FCRL3: variants seen among roughly 807,000 people sequenced by gnomAD.
FCRL3 encodes the protein Fc receptor-like protein 3.
In FCRL3, 89 loss-of-function variants were observed where a neutral mutation model predicts 75.0. That is an observed-to-expected ratio of 1.19 (90% CI 1.00 to 1.42). The LOEUF (loss-of-function observed/expected upper bound fraction) is 1.42, where lower values mean the gene tolerates loss of function less well. Among genes scored for constraint, FCRL3 ranks in the 40% most tolerant of loss-of-function variants. The pLI is 0.00. For missense variants in FCRL3, 946 were observed against 880.0 expected, an observed-to-expected ratio of 1.07 and a Z score of -0.95; for synonymous variants, 376 against 348.5, an observed-to-expected ratio of 1.08 and a Z score of -0.88.
In FCRL3 at chr1:157,698,526, G is replaced by A. The variant is rs1389462810; in HGVS notation, c.156C>T (p.Ala52=). The part of the protein sequence containing the change: ...LICSSISHSL[A]QGDTYWYHDE... ...CGTGATACCAATATGTGTCTCCCTGGGCTAGGGAATGTGATATGCTGCTGC... is the reference window on the plus strand; with the variant it reads ...CGTGATACCAATATGTGTCTCCCTGAGCTAGGGAATGTGATATGCTGCTGC... Residue 52 remains alanine, a synonymous_variant, in exon 4 of 15, where the codon GCC becomes GCT. Coordinates refer to ENST00000368184, the MANE Select transcript of FCRL3 (RefSeq NM_052939.4). 1.2e-6 allele frequency: 2 copies of A among 1,614,184 alleles called. No individual in the cohort carries two copies. Among genetic ancestry groups the A allele is most frequent in the Admixed American group, 1.7e-5 (1 of 60,024 alleles).
In FCRL3 at chr1:157,695,342, A is replaced by C. The variant is rs761859921; in HGVS notation, c.1398T>G (p.Ser466Arg). 12 of 1,613,290 alleles carry C rather than the reference A, an allele frequency of 7.4e-6. No homozygotes were observed. The East Asian group carries it at 2.5e-4, about 33-fold the overall frequency. ...GLGAQHSHGV[S>R]LRVTVPVSRP... Reference sequence around the variant, plus strand: ...TATCTTGCTTACCTGTGACCCTGAGACTCACTCCATGACTGTGCTGGGCCC... The same window carrying C: ...TATCTTGCTTACCTGTGACCCTGAGCCTCACTCCATGACTGTGCTGGGCCC... Residue 466 changes from serine (S) to arginine (R), a missense_variant, in exon 8 of 15, where the codon AGT (serine) becomes AGG (arginine). Physicochemically the swap from Ser to Arg is moderately radical, Grantham distance 110. Transcript: ENST00000368184.
intron 8 of FCRL3, 99 bp from the exon 9 acceptor site, chr1:157,690,632 G>A (rs1655467406): frequency 5.6e-6 from 8 of 1,439,500 alleles, no homozygotes; most frequent in Non-Finnish European, 7.5e-6. Context: ...GCGGGAACAT[G>A]CACCTGGATT....
chr1:157,677,084 C>T lies in FCRL3; in HGVS notation c.*1626G>A. 3 of 1,123,724 alleles carry T rather than the reference C, an allele frequency of 2.7e-6. No individual in the cohort carries two copies. Among genetic ancestry groups the T allele is most frequent in the Non-Finnish European group, 3.3e-6 (3 of 908,522 alleles). 69.6% of individuals were successfully genotyped at this position (1,123,724 alleles called of 1,614,324 possible). A position where few individuals can be genotyped will look rare whatever the true frequency, so the allele number is the denominator to read the frequency against. On this transcript the variant is annotated 3_prime_UTR_variant, in exon 15 of 15. Coordinates refer to ENST00000368184, the MANE Select transcript of FCRL3 (RefSeq NM_052939.4). ...ATCTCAGTACGGGCAGGACATCATG[C>T]CCTGCACTCAAAGGCCAGGATAAGG...
At chr1:157,692,813 C>T (rs1256420101) in intron 8 of FCRL3, among the ~76,000 whole-genome samples, 1 of 152,064 alleles carries the variant, frequency 6.6e-6, no homozygotes, top group Non-Finnish European at 1.5e-5. Flanking sequence ...TAAACTTATG[C>T]TATGGAGATA....
intron 11 of FCRL3, among the ~76,000 whole-genome samples, chr1:157,681,399 C>A (rs1434718155): frequency 9.3e-6 from 1 of 107,116 alleles, no homozygotes. Flanking sequence ...CCCCTCCCCC[C>A]ACCCCAAAAC....
In FCRL3 at chr1:157,683,235, GA is replaced by G; in HGVS notation, c.1819del (p.Ser607LeufsTer24). 1 of 1,613,656 alleles carries G rather than the reference GA, an allele frequency of 6.2e-7. No homozygotes were observed. Among genetic ancestry groups the G allele is most frequent in the Non-Finnish European group, 8.5e-7 (1 of 1,179,768 alleles). On this transcript the variant is annotated frameshift_variant, in exon 11 of 15. Coordinates refer to ENST00000368184, the MANE Select transcript of FCRL3 (RefSeq NM_052939.4). LOFTEE classifies it high-confidence loss of function. ...ACCTCACCTAGATGTTCCAGTGGCA[GA>G]AAGTCCTCCTGCAAAACAAACAAAG... The part of the protein sequence containing the change: ...ARARRKPGGL[S>X]ATGTSSHSPS...
chr1:157,691,763 A>C (rs1456561509), intron 8 of FCRL3: 2 of 152,072 alleles, frequency 1.3e-5, no homozygotes, highest in Non-Finnish European at 2.9e-5. Context: ...CTGGAAAGAG[A>C]GATTTCCAAC....
chr1:157,696,306 T>A lies in FCRL3; in HGVS notation c.866A>T (p.Asn289Ile), dbSNP rs1359362756. Residue 289 changes from asparagine to isoleucine, a missense_variant, in exon 7 of 15, where the codon AAT becomes ATT. Transcript: ENST00000368184. Reference protein sequence around the residue: ...RVQRVPVSNVNLEIRPTGGQL... With the variant: ...RVQRVPVSNVILEIRPTGGQL... ...CCCTCCGGTGGGCCGGATCTCTAGA[T>A]TCACATTAGACACAGGGACTCCTGG... 1.2e-6 allele frequency: 2 copies of A among 1,613,992 alleles called. No homozygotes were observed. Among genetic ancestry groups the A allele is most frequent in the Non-Finnish European group, 1.7e-6 (2 of 1,179,982 alleles).
intron 6 of FCRL3, 145 bp from the exon 7 acceptor site, chr1:157,696,472 A>G: frequency 1.3e-6 from 1 of 751,356 alleles, no homozygotes; most frequent in Middle Eastern, 3.8e-4. Flanking sequence ...TTAATTGTGT[A>G]TACGATTATA....
chr1:157,679,123 A>G, intron 13 of FCRL3, 150 bp from the exon 14 acceptor site: 1 of 828,316 alleles, frequency 1.2e-6, no homozygotes, highest in African/African-American at 1.7e-5. Context: ...CCCACATAGA[A>G]AAAGTACTCC....
At chr1:157,683,282 C>T in intron 10 of FCRL3, 38 bp from the exon 11 acceptor site, 1 of 1,608,610 alleles carries the variant, frequency 6.2e-7, no homozygotes. Context: ...GGTAAGTGAG[C>T]TGTGTAAATA....
intron 10 of FCRL3, among the ~76,000 whole-genome samples, chr1:157,685,631 C>T (rs557157899): frequency 3.3e-5 from 5 of 152,206 alleles, no homozygotes; most frequent in South Asian, 4.2e-4. Flanking sequence ...ATATTCTATC[C>T]GGCAACTATG....
chr1:157,688,613 T>TA (rs58535951), intron 10 of FCRL3, among the ~76,000 whole-genome samples: 1,992 of 137,956 alleles, frequency 0.014, 42 homozygotes, highest in African/African-American at 0.043. Flanking sequence ...TAAGAAATGT[T>TA]AAAAAAAAAA....
In FCRL3 at chr1:157,696,308, C is replaced by T; in HGVS notation, c.864G>A (p.Val288=). 6.2e-7 allele frequency: 1 copy of T among 1,614,036 alleles called. No homozygotes were observed. The highest frequency in any genetic ancestry group is 8.5e-7 in the Non-Finnish European group (1 of 1,180,004). ...IRVQRVPVSN[V]NLEIRPTGGQ... ...CTCCGGTGGGCCGGATCTCTAGATT[C>T]ACATTAGACACAGGGACTCCTGGGG... is the stretch of plus-strand genomic sequence containing the variant. The change falls in exon 7 of 15, where the codon GTG becomes GTA. Residue 288 remains valine (V), a synonymous_variant. Transcript: ENST00000368184.
chr1:157,690,256 T>G lies in FCRL3; in HGVS notation c.1689A>C (p.Thr563=). Residue 563 remains threonine (T), a splice_region_variant and synonymous_variant, in exon 9 of 15, where the codon ACA becomes ACC. Transcript: ENST00000368184. The part of the protein sequence containing the change: ...QHSKVVTLNV[T]GTSRNRTGLT... Reference sequence around the variant, plus strand: ...CTAGCCCAGGTACTATTAACACACCTGTAACATTGAGTGTCACCACTTTAC... The same window carrying G: ...CTAGCCCAGGTACTATTAACACACCGGTAACATTGAGTGTCACCACTTTAC... 2 of 1,614,144 alleles carry G rather than the reference T, an allele frequency of 1.2e-6. No homozygotes were observed. The highest frequency in any genetic ancestry group is 1.7e-6 in the Non-Finnish European group (2 of 1,179,968).
chr1:157,679,492 C>G (rs111944842), intron 13 of FCRL3, among the ~76,000 whole-genome samples: 4,635 of 152,186 alleles, frequency 0.03, 127 homozygotes, highest in South Asian at 0.074. Flanking sequence ...TGCATTGGAG[C>G]ATTGAGAAAA....
At chr1:157,688,638 G>T (rs1655322793) in intron 10 of FCRL3, among the ~76,000 whole-genome samples, 1 of 150,322 alleles carries the variant, frequency 6.7e-6, no homozygotes, top group Non-Finnish European at 1.5e-5. Flanking sequence ...GGTCCTTCAG[G>T]CAGAACAAAA....
rs368915059 is a variant in FCRL3 at position 157,698,597 on chromosome 1, G to C, written c.85C>G (p.Pro29Ala). The stretch of plus-strand genomic sequence containing the variant: ...CCTTTGAAGGCTGTGGACCATGGAG[G>C]ATTGAGGAGAAGTACAGCTTTTGGG... ...VAPKAVLLLN[P>A]PWSTAFKGEK... Residue 29 changes from proline (P) to alanine (A), a missense_variant, in exon 4 of 15, where the codon CCT (proline) becomes GCT (alanine). Coordinates refer to ENST00000368184, the MANE Select transcript of FCRL3 (RefSeq NM_052939.4). The C allele has an allele frequency of 1.8e-4, 296 of 1,614,018 alleles. 1 individual carries two copies. In the East Asian group the frequency reaches 5.9e-3, roughly 32 times the overall value.
Position 157,678,497 on chromosome 1 carries a change from AAC to A in FCRL3, c.*211_*212del. 1 of 1,404,798 alleles carries A rather than the reference AAC, an allele frequency of 7.1e-7. No individual in the cohort carries two copies. Among genetic ancestry groups the A allele is most frequent in the Non-Finnish European group, 9.2e-7 (1 of 1,081,678 alleles). 87.0% of individuals were successfully genotyped at this position (1,404,798 alleles called of 1,614,324 possible). On this transcript the variant is annotated 3_prime_UTR_variant, in exon 15 of 15. Coordinates refer to ENST00000368184, the MANE Select transcript of FCRL3 (RefSeq NM_052939.4). ...TGCCACGTGTCTCCACTGTGAAAAT[AAC>A]ACAGTGCTTGCTCAGAGGCTGCCTG... is the stretch of plus-strand genomic sequence containing the variant.
Sources: gnomAD v4.1 joint callset for allele counts (sites outside exome capture counted in the v4.1 genomes callset) on GRCh38, gnomAD v4.1.1 for gene constraint, MANE v1.5 for transcripts, NCBI Gene and HGNC (gene_info 2026-07-23, HGNC 2026-07-21) for gene names.